Variants in PDCD10 observed in about 807,000 individuals in gnomAD.
PDCD10 encodes the protein programmed cell death 10.
In PDCD10, 4 loss-of-function variants were observed where a neutral mutation model predicts 29.2. That is an observed-to-expected ratio of 0.14 (90% CI 0.07 to 0.31). The LOEUF is 0.31. Among genes scored for constraint, PDCD10 ranks in the 10% least tolerant of loss-of-function variants. PDCD10 has a pLI of 1.00. For missense variants in PDCD10, 183 were observed against 257.9 expected, an observed-to-expected ratio of 0.71 and a Z score of 1.99; for synonymous variants, 70 against 82.2, an observed-to-expected ratio of 0.85 and a Z score of 0.80.
rs893498058 is a variant in PDCD10 at position 167,683,455 on chromosome 3, C to T, written c.*853G>A. The T allele has an allele frequency of 6.6e-5, 10 of 151,802 alleles. No homozygotes were observed. Among genetic ancestry groups the T allele is most frequent in the South Asian group, 2.1e-4 (1 of 4,790 alleles). The allele number at this position is 151,802 out of a possible 1,614,324, so 9.4% of individuals were successfully genotyped here. On this transcript the variant is annotated 3_prime_UTR_variant, in exon 9 of 9. Transcript: ENST00000392750. ...ACACTCATGACAATTTCAATCCAAC[C>T]GTTGATATAGCTTCAAATTACTATT...
intron 4 of PDCD10, among the ~76,000 whole-genome samples, chr3:167,699,025 A>G (rs1367553337): frequency 1.3e-5 from 2 of 152,188 alleles, no homozygotes; most frequent in Non-Finnish European, 2.9e-5. Flanking sequence ...TGTCCTAACT[A>G]CCTAGCCTTT....
chr3:167,693,667 G>T (rs1720494516), intron 6 of PDCD10, among the ~76,000 whole-genome samples: 1 of 152,138 alleles, frequency 6.6e-6, no homozygotes, highest in Admixed American at 6.5e-5. Flanking sequence ...TTAAGGCCAG[G>T]TGTGGTGGCT....
chr3:167,707,854 C>A (rs754765973), intron 3 of PDCD10, among the ~76,000 whole-genome samples: 6 of 152,092 alleles, frequency 3.9e-5, no homozygotes, highest in Non-Finnish European at 5.9e-5. Context: ...GCCTCAGTTA[C>A]ACAGTATGTC....
At chr3:167,695,537 T>C (rs1720708444) in intron 6 of PDCD10, 59 bp downstream of exon 6, 1 of 1,467,966 alleles carries the variant, frequency 6.8e-7, no homozygotes, top group African/African-American at 1.4e-5. Context: ...AAAATGTAGA[T>C]GAGTAGTTCC....
chr3:167,734,382 A>G (rs1725164860), intron 1 of PDCD10, 32 bp from the exon 2 acceptor site: 1 of 152,296 alleles, frequency 6.6e-6, no homozygotes, highest in Non-Finnish European at 1.5e-5. Context: ...CACCCCCAAG[A>G]GCCGACTCCC....
In PDCD10 at chr3:167,684,341, G is replaced by A; in HGVS notation, c.606C>T (p.Asn202=). The A allele has an allele frequency of 6.2e-7, 1 of 1,606,814 alleles. No individual in the cohort carries two copies. The highest frequency in any genetic ancestry group is 8.5e-7 in the Non-Finnish European group (1 of 1,173,708). Residue 202 remains asparagine (N), a synonymous_variant, in exon 9 of 9, where the codon AAC becomes AAT. Coordinates refer to ENST00000392750, the MANE Select transcript of PDCD10 (RefSeq NM_007217.4). The part of the protein sequence containing the change: ...VSANRLIHQT[N]LILQTFKTVA ...CAGTTTTGAAGGTCTGAAGTATTAAGTTGGTTTGATGAATTAGTCGGTTGG... is the reference window on the plus strand; with the variant it reads ...CAGTTTTGAAGGTCTGAAGTATTAAATTGGTTTGATGAATTAGTCGGTTGG...
chr3:167,705,076 T>C (rs1445196359), intron 3 of PDCD10, among the ~76,000 whole-genome samples, 181 bp from the exon 4 acceptor site: 2 of 152,152 alleles, frequency 1.3e-5, no homozygotes, highest in Non-Finnish European at 2.9e-5. Context: ...AAAAAATATA[T>C]GTCCTTAATT....
In PDCD10 at chr3:167,684,235, A is replaced by C; in HGVS notation, c.*73T>G. The C allele has an allele frequency of 1.2e-6, 1 of 858,728 alleles. No individual in the cohort carries two copies. Among genetic ancestry groups the C allele is most frequent in the South Asian group, 1.3e-5 (1 of 75,162 alleles). 53.2% of individuals were successfully genotyped at this position (858,728 alleles called of 1,614,324 possible). A position where few individuals can be genotyped will look rare whatever the true frequency, so the allele number is the denominator to read the frequency against. ...GGAGGGACTGATAATTTATACAGTCAAACTTTAAAATTTACAGATAAAGGC... is the reference window on the plus strand; with the variant it reads ...GGAGGGACTGATAATTTATACAGTCCAACTTTAAAATTTACAGATAAAGGC... On this transcript the variant is annotated 3_prime_UTR_variant, in exon 9 of 9. Coordinates refer to ENST00000392750, the MANE Select transcript of PDCD10 (RefSeq NM_007217.4).
At chr3:167,715,513 CA>C (rs1004317434) in intron 3 of PDCD10, among the ~76,000 whole-genome samples, 20 of 151,844 alleles carry the variant, frequency 1.3e-4, no homozygotes, top group Non-Finnish European at 2.7e-4. Flanking sequence ...GTCACTCTAA[CA>C]AGGGATTAAT....
intron 6 of PDCD10, among the ~76,000 whole-genome samples, chr3:167,693,536 G>T (rs577621613): frequency 2.0e-5 from 3 of 152,078 alleles, no homozygotes; most frequent in Non-Finnish European, 4.4e-5. Context: ...AGAAAAACAG[G>T]ACTACCATGA....
intron 1 of PDCD10, 72 bp downstream of exon 1, chr3:167,734,590 G>T (rs1463892845): frequency 6.6e-6 from 1 of 152,418 alleles, no homozygotes; most frequent in Non-Finnish European, 1.5e-5. Flanking sequence ...TCCTGGAGGC[G>T]TTCGGGCCCA....
At chr3:167,718,811 G>T (rs1251757146) in intron 3 of PDCD10, among the ~76,000 whole-genome samples, 2 of 151,616 alleles carry the variant, frequency 1.3e-5, no homozygotes. Context: ...CAGAGCAGAA[G>T]ATAAGAACTT....
At chr3:167,727,437 G>A (rs1724309435) in intron 2 of PDCD10, among the ~76,000 whole-genome samples, 1 of 152,138 alleles carries the variant, frequency 6.6e-6, no homozygotes, top group Non-Finnish European at 1.5e-5. Context: ...CTTGTTGGAA[G>A]ACAGGAAACA....
intron 3 of PDCD10, among the ~76,000 whole-genome samples, chr3:167,705,551 T>G (rs1721889869): frequency 6.6e-6 from 1 of 152,164 alleles, no homozygotes; most frequent in Admixed American, 6.5e-5. Context: ...TCAATTTATT[T>G]TCTAAACAAG....
chr3:167,724,705 C>A (rs1272215576), intron 2 of PDCD10, among the ~76,000 whole-genome samples: 1 of 152,142 alleles, frequency 6.6e-6, no homozygotes, highest in Non-Finnish European at 1.5e-5. Context: ...CAAATTAATT[C>A]TATTAACAAA....
rs1196211741 is a variant in PDCD10, at chr3:167,722,293, C to T, written c.-116-2020G>A. Among the ~76,000 whole-genome samples, 25 of 152,018 alleles carry T rather than the reference C, an allele frequency of 1.6e-4. No individual in the cohort carries two copies. The East Asian group carries it at 4.1e-3, about 25-fold the overall frequency. On this transcript the variant is annotated intron_variant, in intron 2 of 8. Coordinates refer to ENST00000392750, the MANE Select transcript of PDCD10 (RefSeq NM_007217.4). ...ATATTTCAATGGTCACAAAGAGGCA[C>T]GGTATTAAATATAGAGCAGTGAACA...
At chr3:167,728,152 G>C (rs1724414704) in intron 2 of PDCD10, among the ~76,000 whole-genome samples, 1 of 151,418 alleles carries the variant, frequency 6.6e-6, no homozygotes, top group African/African-American at 2.4e-5. Context: ...GTAGAACCTT[G>C]GAAATCTCTC....
At chr3:167,728,547 A>G (rs1312096632) in intron 2 of PDCD10, among the ~76,000 whole-genome samples, 3 of 152,216 alleles carry the variant, frequency 2.0e-5, no homozygotes, top group African/African-American at 7.2e-5. Flanking sequence ...TAGAGAAACA[A>G]TCATTTATTT....
intron 6 of PDCD10, among the ~76,000 whole-genome samples, chr3:167,694,103 A>G (rs1024426978): frequency 6.6e-6 from 1 of 152,090 alleles, no homozygotes; most frequent in Non-Finnish European, 1.5e-5. Flanking sequence ...AATATCCAAC[A>G]TTATTTTCCC....
Sources: gnomAD v4.1 joint callset for allele counts (sites outside exome capture counted in the v4.1 genomes callset) on GRCh38, gnomAD v4.1.1 for gene constraint, MANE v1.5 for transcripts, NCBI Gene and HGNC (gene_info 2026-07-23, HGNC 2026-07-21) for gene names.